Variants in B9D1 observed in about 807,000 individuals in gnomAD.
The protein encoded by B9D1 is B9 domain containing 1, also known as B9 domain-containing protein 1.
In B9D1, 20 loss-of-function variants were observed where a neutral mutation model predicts 26.1. That is an observed-to-expected ratio of 0.77 (90% CI 0.54 to 1.12). The LOEUF is 1.12. B9D1 is among the 50% of genes most tolerant of loss of function. B9D1 has a pLI of 0.00. For synonymous variants in B9D1, 105 were observed against 103.1 expected (o/e 1.02, Z -0.11); for missense variants, 260 against 273.7 (o/e 0.95, Z 0.35).
At chr17:19,368,548 C>T (rs753070744) in intron 1 of B9D1, among the ~76,000 whole-genome samples, 2 of 152,144 alleles carry the variant, frequency 1.3e-5, no homozygotes, top group Non-Finnish European at 2.9e-5. Context: ...CAGCAATGGT[C>T]TCCACAGTGA....
intron 5 of B9D1, among the ~76,000 whole-genome samples, chr17:19,346,530 C>T (rs1013045621): frequency 7.9e-5 from 12 of 152,222 alleles, no homozygotes; most frequent in African/African-American, 2.7e-4. Context: ...TGCCCAACTG[C>T]GCTAATGGTC....
chr17:19,342,688 C>G (rs1424830924), downstream of B9D1, among the ~76,000 whole-genome samples: 1 of 152,148 alleles, frequency 6.6e-6, no homozygotes, highest in Non-Finnish European at 1.5e-5. Context: ...TGCCAGAAAG[C>G]TGGACCCCAG....
chr17:19,341,379 C>T (rs1907942640), downstream of B9D1: 4 of 1,194,970 alleles, frequency 3.3e-6, no homozygotes, highest in Admixed American at 4.2e-5. Context: ...TGGGCTTTTG[C>T]TCTGTGTCGT....
downstream of B9D1, among the ~76,000 whole-genome samples, chr17:19,342,476 G>C (rs1908078807): frequency 6.6e-6 from 1 of 152,124 alleles, no homozygotes; most frequent in Non-Finnish European, 1.5e-5. Flanking sequence ...GGGGCACCAT[G>C]TCTGCCGAAA....
intron 1 of B9D1, chr17:19,371,297 T>C (rs6587077): frequency 0.97 from 147,512 of 152,456 alleles, 71,627 homozygotes; most frequent in African/African-American, 0.99. Context: ...AATCTCTGTG[T>C]GTGTTTGTGC....
At chr17:19,350,575 G>C (rs1253243578) in intron 3 of B9D1, among the ~76,000 whole-genome samples, 3 of 151,816 alleles carry the variant, frequency 2.0e-5, no homozygotes, top group Non-Finnish European at 2.9e-5. Flanking sequence ...ACAAAAATTA[G>C]CCGGGCATGG....
chr17:19,340,986 G>T, downstream of B9D1: 1 of 378,640 alleles, frequency 2.6e-6, no homozygotes, highest in Non-Finnish European at 4.1e-6. Flanking sequence ...ATGAATAGTT[G>T]GATATATGTG....
chr17:19,350,327 T>C (rs1164332321), intron 3 of B9D1, among the ~76,000 whole-genome samples: 1 of 151,868 alleles, frequency 6.6e-6, no homozygotes, highest in African/African-American at 2.4e-5. Context: ...AGGTGGATCA[T>C]CTGAGGATGG....
chr17:19,360,375 T>G lies in B9D1; in HGVS notation c.77A>C (p.Asp26Ala), dbSNP rs759910675. The change falls in exon 2 of 7, where the codon GAT (aspartate) becomes GCT (alanine). Residue 26 changes from aspartate (D) to alanine (A), a missense_variant. Coordinates refer to ENST00000261499, the MANE Select transcript of B9D1 (RefSeq NM_015681.6). Reference protein sequence around the residue: ...QVESAQFPEYDDLYCKYCFVY... With the variant: ...QVESAQFPEYADLYCKYCFVY... ...AAAGCAGTACTTGCAGTAGAGGTCA[T>G]CATACTCTGGAAACTGAAAAAAGCA... The G allele has an allele frequency of 1.2e-6, 2 of 1,613,828 alleles. No homozygotes were observed. Among genetic ancestry groups the G allele is most frequent in the African/African-American group, 1.3e-5 (1 of 75,032 alleles).
At chr17:19,354,729 T>C (rs1910094436) in intron 3 of B9D1, among the ~76,000 whole-genome samples, 1 of 152,124 alleles carries the variant, frequency 6.6e-6, no homozygotes, top group Admixed American at 6.5e-5. Flanking sequence ...CTCAGGAGGC[T>C]GAGGCGGAGA....
In B9D1 at chr17:19,370,131, G is replaced by A. The variant is rs1049025582; in HGVS notation, c.-298+7728C>T. Among the ~76,000 whole-genome samples, 3 of 152,218 alleles carry A rather than the reference G, an allele frequency of 2.0e-5. No homozygotes were observed. Among genetic ancestry groups the A allele is most frequent in the African/African-American group, 7.2e-5 (3 of 41,442 alleles). On this transcript the variant is annotated intron_variant, in intron 1 of 5. Coordinates refer to the B9D1 transcript ENST00000477478. The surrounding 1 kb of genome is among the most constrained non-coding windows in gnomAD (Gnocchi z 5.1). ...ACTTCACCGACGGCCACCTCCCATC[G>A]CCCTTTCATTCTTCATGGGCAGGGC...
chr17:19,377,186 G>A (rs1196798939), intron 1 of B9D1, among the ~76,000 whole-genome samples: 1 of 152,164 alleles, frequency 6.6e-6, no homozygotes, highest in Non-Finnish European at 1.5e-5. Context: ...CCTTAACATT[G>A]GCAAAATAAA....
At chr17:19,373,536 C>T (rs529250303) in intron 1 of B9D1, among the ~76,000 whole-genome samples, 2 of 152,162 alleles carry the variant, frequency 1.3e-5, no homozygotes, top group African/African-American at 2.4e-5. Flanking sequence ...GGATTATAGG[C>T]GCCTGCCAAC....
upstream of B9D1, chr17:19,364,333 C>T (rs972398488): frequency 1.3e-5 from 2 of 152,116 alleles, no homozygotes; most frequent in Admixed American, 6.5e-5. This position sits in a 1 kb window ranked among gnomAD's most constrained non-coding sequence, Gnocchi z 4.3. Context: ...GGGAGGGTGA[C>T]CAGGCCTAAC....
intron 2 of B9D1, 53 bp downstream of exon 2, chr17:19,360,267 A>G (rs113953577): frequency 6.4e-7 from 1 of 1,569,846 alleles, no homozygotes; most frequent in Non-Finnish European, 8.8e-7. Context: ...TGACACCTTC[A>G]GAAACCCCAA....
In B9D1 at chr17:19,350,696, G is replaced by A. The variant is rs1030001003; in HGVS notation, c.245-2816C>T. Among the ~76,000 whole-genome samples the A allele has an allele frequency of 7.9e-5, 12 of 152,304 alleles. No individual in the cohort carries two copies. The East Asian group carries it at 2.1e-3, about 27-fold the overall frequency. ...CTTTCAACATTTCACCAGTAAAAGTGATGTTTGCTCTAAGCTTTTCATAGA... is the reference window on the plus strand; with the variant it reads ...CTTTCAACATTTCACCAGTAAAAGTAATGTTTGCTCTAAGCTTTTCATAGA... On this transcript the variant is annotated intron_variant, in intron 3 of 6. Coordinates refer to ENST00000261499, the MANE Select transcript of B9D1 (RefSeq NM_015681.6).
At chr17:19,353,046 GC>G (rs2152268999) in intron 3 of B9D1, among the ~76,000 whole-genome samples, 1 of 151,724 alleles carries the variant, frequency 6.6e-6, no homozygotes, top group African/African-American at 2.4e-5. Context: ...CGCGATCTCA[GC>G]TCACTGCTAT....
At chr17:19,341,269 G>A (rs190584073), downstream of B9D1, 945 of 1,231,900 alleles carry the variant, frequency 7.7e-4, 4 homozygotes, top group Admixed American at 0.013. Context: ...CAAGGCCAGT[G>A]CCCTGGGTGA....
At chr17:19,368,102 C>T (rs908667982) in intron 1 of B9D1, among the ~76,000 whole-genome samples, 2 of 152,152 alleles carry the variant, frequency 1.3e-5, no homozygotes, top group African/African-American at 4.8e-5. Context: ...CAGAATAAAC[C>T]GGTCTGGGTC....
Sources: allele counts gnomAD v4.1 joint callset (sites outside exome capture counted in the v4.1 genomes callset), GRCh38; gene constraint gnomAD v4.1.1; non-coding constraint Gnocchi (gnomAD v3.1); transcripts MANE v1.5; gene names NCBI Gene and HGNC (gene_info 2026-07-23, HGNC 2026-07-21).